OR4C16: variants seen among roughly 807,000 people sequenced by gnomAD.
OR4C16 encodes the protein olfactory receptor family 4 subfamily C member 16.
In OR4C16, 24 loss-of-function variants were observed where a neutral mutation model predicts 14.4. The ratio of observed to expected loss-of-function variants is 1.66; its 90% CI spans 1.21 to 2.34. The LOEUF (loss-of-function observed/expected upper bound fraction) is 2.34, where lower values mean the gene tolerates loss of function less well. Among genes scored for constraint, OR4C16 ranks in the 30% most tolerant of loss-of-function variants. The pLI is 0.00. For synonymous variants in OR4C16, 233 were observed against 133.5 expected (o/e 1.75, Z -5.14); for missense variants, 674 against 364.2 (o/e 1.85, Z -6.92).
Position 55,572,972 on chromosome 11 carries a change from C to T in OR4C16, c.845C>T (p.Pro282Leu), listed in dbSNP as rs772540340. The T allele has an allele frequency of 1.1e-5, 18 of 1,613,096 alleles. No individual in the cohort carries two copies. Among genetic ancestry groups the T allele is most frequent in the East Asian group, 2.2e-5 (1 of 44,828 alleles). Reference sequence around the variant, plus strand: ...ACAGTTGGAACATCTTTTCTCAACCCTGTGATTTACACGCTGAAGAATACA... The same window carrying T: ...ACAGTTGGAACATCTTTTCTCAACCTTGTGATTTACACGCTGAAGAATACA... ...FYTVGTSFLN[P>L]VIYTLKNTEV... Residue 282 changes from proline (P) to leucine (L), a missense_variant, in exon 1 of 1, where the codon CCT (proline) becomes CTT (leucine). By Grantham distance (98) the Pro-to-Leu change is moderately conservative. Transcript: ENST00000623907.
rs556810624 is a variant in OR4C16, at chr11:55,572,452, G to A, written c.325G>A (p.Glu109Lys). Residue 109 changes from glutamate to lysine, a missense_variant, in exon 1 of 1, where the codon GAG becomes AAG. Physicochemically the swap from Glu to Lys is moderately conservative, Grantham distance 56. Coordinates refer to ENST00000623907, the MANE Select transcript of OR4C16 (RefSeq NM_001004701.2). ...TTCATCCCATGTCTTTGGCTGCCTG[G>A]AGATCTTCATCCTCATCCTCACGGC... ...VFSSHVFGCL[E>K]IFILILTAVD... 45 of 1,613,988 alleles carry A rather than the reference G, an allele frequency of 2.8e-5. No homozygotes were observed. The South Asian group carries it at 4.7e-4, about 17-fold the overall frequency.
chr11:55,572,879 C>T lies in OR4C16; in HGVS notation c.752C>T (p.Pro251Leu), dbSNP rs555112423. The T allele has an allele frequency of 1.1e-5, 18 of 1,613,840 alleles. No homozygotes were observed. The highest frequency in any genetic ancestry group is 1.1e-4 in the East Asian group (5 of 44,870). The change falls in exon 1 of 1, where the codon CCT becomes CTT. Residue 251 changes from proline (P) to leucine (L), a missense_variant. By Grantham distance (98) the Pro-to-Leu change is moderately conservative. Transcript: ENST00000623907. Reference protein sequence around the residue: ...HIIVVILFFGPCIFMYTCLAT... With the variant: ...HIIVVILFFGLCIFMYTCLAT... ...ATTGTGGTCATCTTGTTCTTTGGAC[C>T]TTGCATATTTATGTACACATGCCTT...
Position 55,572,315 on chromosome 11 carries a change from AC to A in OR4C16, c.189del (p.Leu64TyrfsTer12). ...LKNPMFFFLF[Y>X]LSLSDTCLST... ...AACCCAATGTTCTTCTTCCTTTTCT[AC>A]TTATCCTTATCTGATACTTGCCTCT... On this transcript the variant is annotated frameshift_variant, in exon 1 of 1. Transcript: ENST00000623907. LOFTEE classifies it high-confidence loss of function. 1.2e-6 allele frequency: 2 copies of A among 1,613,318 alleles called. No homozygotes were observed. Among genetic ancestry groups the A allele is most frequent in the Non-Finnish European group, 1.7e-6 (2 of 1,179,478 alleles).
In OR4C16 at chr11:55,573,022, C is replaced by A. The variant is rs148608690; in HGVS notation, c.895C>A (p.Leu299Ile). ...NTEVKSAMRK[L>I]WSKKLITDDK... ...AGAAGTGAAAAGTGCCATGAGGAAG[C>A]TTTGGAGCAAGAAATTGATCACAGA... The change falls in exon 1 of 1, where the codon CTT becomes ATT. Residue 299 changes from leucine to isoleucine, a missense_variant. Transcript: ENST00000623907. 1.7e-5 allele frequency: 27 copies of A among 1,575,044 alleles called. 1 individual carries two copies. Among genetic ancestry groups the A allele is most frequent in the Non-Finnish European group, 2.2e-5 (26 of 1,159,034 alleles).
At position 55,572,202 on chromosome 11, in the gene OR4C16, G is replaced by GT. The variant is rs1565051979; in HGVS notation, c.78dup (p.Val27CysfsTer14). The GT allele has an allele frequency of 6.2e-7, 1 of 1,611,224 alleles. No homozygotes were observed. Among genetic ancestry groups the GT allele is most frequent in the African/African-American group, 1.3e-5 (1 of 74,766 alleles). The stretch of plus-strand genomic sequence containing the variant: ...AGGATCCTTTTTGGAAGAAAATAGT[G>GT]TTTGTTATTTTTTTGCGTCTCTACT... On this transcript the variant is annotated frameshift_variant, in exon 1 of 1. Transcript: ENST00000623907. LOFTEE classifies it high-confidence loss of function.
Position 55,572,333 on chromosome 11 carries a change from C to T in OR4C16, c.206C>T (p.Thr69Ile). Residue 69 changes from threonine to isoleucine, a missense_variant, in exon 1 of 1, where the codon ACT becomes ATT. Physicochemically the swap from Thr to Ile is moderately conservative, Grantham distance 89. Coordinates refer to ENST00000623907, the MANE Select transcript of OR4C16 (RefSeq NM_001004701.2). ...FFLFYLSLSD[T>I]CLSTSITPRM... ...CTTTTCTACTTATCCTTATCTGATA[C>T]TTGCCTCTCTACTTCCATAACCCCT... is the stretch of plus-strand genomic sequence containing the variant. 6.2e-7 allele frequency: 1 copy of T among 1,612,994 alleles called. No individual in the cohort carries two copies. Among genetic ancestry groups the T allele is most frequent in the Non-Finnish European group, 8.5e-7 (1 of 1,179,020 alleles).
Position 55,572,344 on chromosome 11 carries a change from A to G in OR4C16, c.217A>G (p.Thr73Ala). 1 of 1,613,080 alleles carries G rather than the reference A, an allele frequency of 6.2e-7. No homozygotes were observed. Among genetic ancestry groups the G allele is most frequent in the Non-Finnish European group, 8.5e-7 (1 of 1,179,202 alleles). ...YLSLSDTCLS[T>A]SITPRMIVDA... Reference sequence around the variant, plus strand: ...ATCCTTATCTGATACTTGCCTCTCTACTTCCATAACCCCTAGAATGATTGT... The same window carrying G: ...ATCCTTATCTGATACTTGCCTCTCTGCTTCCATAACCCCTAGAATGATTGT... Residue 73 changes from threonine to alanine, a missense_variant, in exon 1 of 1, where the codon ACT becomes GCT. Physicochemically the swap from Thr to Ala is moderately conservative, Grantham distance 58. Coordinates refer to ENST00000623907, the MANE Select transcript of OR4C16 (RefSeq NM_001004701.2).
At position 55,572,415 on chromosome 11, in the gene OR4C16, GATCCAAGTCTTTTC is replaced by G. The variant is rs780418672; in HGVS notation, c.293_306del (p.Gln98ProfsTer17). ...CAACTATCTCCTTCAGCGAGTGCAT[GATCCAAGTCTTTTC>G]ATCCCATGTCTTTGGCTGCCTGGAG... On this transcript the variant is annotated frameshift_variant, in exon 1 of 1. Transcript: ENST00000623907. LOFTEE classifies it high-confidence loss of function. 2 of 1,614,010 alleles carry G rather than the reference GATCCAAGTCTTTTC, an allele frequency of 1.2e-6. No individual in the cohort carries two copies. The highest frequency in any genetic ancestry group is 1.3e-5 in the African/African-American group (1 of 74,984).
Position 55,572,879 on chromosome 11 carries a change from C to A in OR4C16, c.752C>A (p.Pro251His), listed in dbSNP as rs555112423. The change falls in exon 1 of 1, where the codon CCT becomes CAT. Residue 251 changes from proline (P) to histidine (H), a missense_variant. By Grantham distance (77) the Pro-to-His change is moderately conservative. Transcript: ENST00000623907. ...ATTGTGGTCATCTTGTTCTTTGGAC[C>A]TTGCATATTTATGTACACATGCCTT... ...HIIVVILFFG[P>H]CIFMYTCLAT... is the part of the protein sequence containing the mutation. 22 of 1,613,838 alleles carry A rather than the reference C, an allele frequency of 1.4e-5. No individual in the cohort carries two copies. In the African/African-American group the frequency reaches 2.7e-4, roughly 20 times the overall value.
At position 55,572,901 on chromosome 11, in the gene OR4C16, CCT is replaced by C. The variant is rs1565052776; in HGVS notation, c.775_776del (p.Leu259CysfsTer8). The C allele has an allele frequency of 1.2e-6, 2 of 1,613,672 alleles. No individual in the cohort carries two copies. The highest frequency in any genetic ancestry group is 3.3e-5 in the Admixed American group (2 of 59,998). On this transcript the variant is annotated frameshift_variant, in exon 1 of 1. Transcript: ENST00000623907. LOFTEE classifies it high-confidence loss of function. ...GACCTTGCATATTTATGTACACATG[CCT>C]TGCAACCGTATTCCCCATGGATAAG... ...FGPCIFMYTCLATVFPMDKMI... is the reference protein window; with the variant it reads ...FGPCIFMYTCXATVFPMDKMI...
At position 55,572,303 on chromosome 11, in the gene OR4C16, T is replaced by C; in HGVS notation, c.176T>C (p.Phe59Ser). ...TSQALKNPMF[F>S]FLFYLSLSDT... ...CAGGCACTTAAGAACCCAATGTTCTTCTTCCTTTTCTACTTATCCTTATCT... is the reference window on the plus strand; with the variant it reads ...CAGGCACTTAAGAACCCAATGTTCTCCTTCCTTTTCTACTTATCCTTATCT... Residue 59 changes from phenylalanine to serine, a missense_variant, in exon 1 of 1, where the codon TTC (phenylalanine) becomes TCC (serine). By Grantham distance (155) the Phe-to-Ser change is radical (BLOSUM62 -2). Transcript: ENST00000623907. 1 of 1,613,598 alleles carries C rather than the reference T, an allele frequency of 6.2e-7. No individual in the cohort carries two copies. The highest frequency in any genetic ancestry group is 8.5e-7 in the Non-Finnish European group (1 of 1,179,576).
In OR4C16 at chr11:55,572,337, C is replaced by G. The variant is rs775424579; in HGVS notation, c.210C>G (p.Cys70Trp). The change falls in exon 1 of 1, where the codon TGC (cysteine) becomes TGG (tryptophan). Residue 70 changes from cysteine to tryptophan, a missense_variant. By Grantham distance (215) the Cys-to-Trp change is radical. Coordinates refer to ENST00000623907, the MANE Select transcript of OR4C16 (RefSeq NM_001004701.2). ...FLFYLSLSDT[C>W]LSTSITPRMI... is the part of the protein sequence containing the mutation. The stretch of plus-strand genomic sequence containing the variant: ...TCTACTTATCCTTATCTGATACTTG[C>G]CTCTCTACTTCCATAACCCCTAGAA... 8.1e-6 allele frequency: 13 copies of G among 1,612,976 alleles called. No homozygotes were observed. In the East Asian group the frequency reaches 2.9e-4, roughly 36 times the overall value.
chr11:55,572,269 A>G lies in OR4C16; in HGVS notation c.142A>G (p.Lys48Glu). The G allele has an allele frequency of 4.3e-6, 7 of 1,613,068 alleles. No individual in the cohort carries two copies. The highest frequency in any genetic ancestry group is 5.9e-6 in the Non-Finnish European group (7 of 1,179,208). Residue 48 changes from lysine to glutamate, a missense_variant, in exon 1 of 1, where the codon AAG becomes GAG. By Grantham distance (56) the Lys-to-Glu change is moderately conservative. Coordinates refer to ENST00000623907, the MANE Select transcript of OR4C16 (RefSeq NM_001004701.2). ...LGNLLIIISV[K>E]TSQALKNPMF... is the part of the protein sequence containing the mutation. ...TAATTTGCTAATCATTATTAGTGTC[A>G]AGACCAGCCAGGCACTTAAGAACCC...
chr11:55,572,291 AC>A lies in OR4C16; in HGVS notation c.167del (p.Pro56GlnfsTer20), dbSNP rs1857390865. ...ISVKTSQALK[N>X]PMFFFLFYLS... ...GTCAAGACCAGCCAGGCACTTAAGA[AC>A]CCAATGTTCTTCTTCCTTTTCTACT... On this transcript the variant is annotated frameshift_variant, in exon 1 of 1. Coordinates refer to ENST00000623907, the MANE Select transcript of OR4C16 (RefSeq NM_001004701.2). LOFTEE classifies it high-confidence loss of function. The A allele has an allele frequency of 6.2e-7, 1 of 1,613,068 alleles. No individual in the cohort carries two copies. The highest frequency in any genetic ancestry group is 8.5e-7 in the Non-Finnish European group (1 of 1,179,612).
chr11:55,573,033 G>T lies in OR4C16; in HGVS notation c.906G>T (p.Lys302Asn). Reference sequence around the variant, plus strand: ...GTGCCATGAGGAAGCTTTGGAGCAAGAAATTGATCACAGATGACAAAAGAT... The same window carrying T: ...GTGCCATGAGGAAGCTTTGGAGCAATAAATTGATCACAGATGACAAAAGAT... ...VKSAMRKLWS[K>N]KLITDDKR Residue 302 changes from lysine to asparagine, a missense_variant, in exon 1 of 1, where the codon AAG becomes AAT. Transcript: ENST00000623907. 3 of 1,567,844 alleles carry T rather than the reference G, an allele frequency of 1.9e-6. No individual in the cohort carries two copies. Among genetic ancestry groups the T allele is most frequent in the Non-Finnish European group, 1.7e-6 (2 of 1,155,304 alleles).
In OR4C16 at chr11:55,572,847, C is replaced by T. The variant is rs776065504; in HGVS notation, c.720C>T (p.Ser240=). The stretch of plus-strand genomic sequence containing the variant: ...AGAAAGCACTTTCCACATGTGTCTC[C>T]CACATCATTGTGGTCATCTTGTTCT... The part of the protein sequence containing the change: ...VIKKALSTCV[S]HIIVVILFFG... Residue 240 remains serine, a synonymous_variant, in exon 1 of 1, where the codon TCC becomes TCT. Transcript: ENST00000623907. 70 of 1,613,666 alleles carry T rather than the reference C, an allele frequency of 4.3e-5. No individual in the cohort carries two copies. The highest frequency in any genetic ancestry group is 3.3e-4 in the Middle Eastern group (2 of 6,082).
chr11:55,572,456 T>C lies in OR4C16; in HGVS notation c.329T>C (p.Ile110Thr), dbSNP rs766592807. The stretch of plus-strand genomic sequence containing the variant: ...TCCCATGTCTTTGGCTGCCTGGAGA[T>C]CTTCATCCTCATCCTCACGGCTGTT... ...FSSHVFGCLE[I>T]FILILTAVDR... Residue 110 changes from isoleucine to threonine, a missense_variant, in exon 1 of 1, where the codon ATC becomes ACC. Transcript: ENST00000623907. 100 of 1,613,968 alleles carry C rather than the reference T, an allele frequency of 6.2e-5. 1 individual carries two copies. The highest frequency in any genetic ancestry group is 1.7e-5 in the Admixed American group (1 of 59,988).
Position 55,572,459 on chromosome 11 carries a change from T to C in OR4C16, c.332T>C (p.Phe111Ser). 5 of 1,614,054 alleles carry C rather than the reference T, an allele frequency of 3.1e-6. No homozygotes were observed. The highest frequency in any genetic ancestry group is 4.2e-6 in the Non-Finnish European group (5 of 1,179,960). Residue 111 changes from phenylalanine (F) to serine (S), a missense_variant, in exon 1 of 1, where the codon TTC (phenylalanine) becomes TCC (serine). Coordinates refer to ENST00000623907, the MANE Select transcript of OR4C16 (RefSeq NM_001004701.2). ...SSHVFGCLEIFILILTAVDRY... is the reference protein window; with the variant it reads ...SSHVFGCLEISILILTAVDRY... ...CATGTCTTTGGCTGCCTGGAGATCT[T>C]CATCCTCATCCTCACGGCTGTTGAC...
chr11:55,572,639 T>TGATC lies in OR4C16; in HGVS notation c.513_516dup (p.Asn173AspfsTer7), dbSNP rs779296154. On this transcript the variant is annotated frameshift_variant, in exon 1 of 1. Coordinates refer to ENST00000623907, the MANE Select transcript of OR4C16 (RefSeq NM_001004701.2). LOFTEE classifies it high-confidence loss of function. ...AGTTTGCCATTCTGTGGCCCCAATG[T>TGATC]GATCAATCACTGTTTCTGTGACTTG... is the stretch of plus-strand genomic sequence containing the variant. The TGATC allele has an allele frequency of 3.7e-5, 60 of 1,614,114 alleles. No homozygotes were observed. In the Middle Eastern group the frequency reaches 8.2e-4, roughly 22 times the overall value.
Sources: gnomAD v4.1 joint callset for allele counts on GRCh38, gnomAD v4.1.1 for gene constraint, MANE v1.5 for transcripts, NCBI Gene and HGNC (gene_info 2026-07-23, HGNC 2026-07-21) for gene names.